RASSF4: variants seen among roughly 807,000 people sequenced by gnomAD.
RASSF4 encodes the protein ras association domain-containing protein 4.
In RASSF4, 38 loss-of-function variants were observed where a neutral mutation model predicts 41.1. The observed-to-expected ratio is 0.92, with a 90% CI of 0.71 to 1.21. RASSF4 has a LOEUF of 1.21. Ranked by LOEUF, RASSF4 falls within the 50% of genes most tolerant of loss-of-function variation. The pLI is 0.00. For missense variants in RASSF4, 414 were observed against 419.4 expected, an observed-to-expected ratio of 0.99 and a Z score of 0.11; for synonymous variants, 179 against 163.4, an observed-to-expected ratio of 1.10 and a Z score of -0.73.
At chr10:44,983,159 G>A (rs961160652) in intron 4 of RASSF4, 9 of 360,154 alleles carry the variant, frequency 2.5e-5, no homozygotes, top group Non-Finnish European at 4.4e-5. Flanking sequence ...ACCATTCAAT[G>A]CACATTTATC....
chr10:44,989,651 C>T lies in RASSF4; in HGVS notation c.634-19C>T. On this transcript the variant is annotated intron_variant, in intron 7 of 10. Transcript: ENST00000340258. ...ATCTCCAAGCACCGTGATCTGACTT[C>T]CTGTGACTGCCTGTGCAGGTGGAAG... is the stretch of plus-strand genomic sequence containing the variant. 1 of 1,613,740 alleles carries T rather than the reference C, an allele frequency of 6.2e-7. No homozygotes were observed. The highest frequency in any genetic ancestry group is 8.5e-7 in the Non-Finnish European group (1 of 1,179,590).
At chr10:44,987,619 A>T (rs1481513595) in intron 6 of RASSF4, among the ~76,000 whole-genome samples, 1 of 137,008 alleles carries the variant, frequency 7.3e-6, no homozygotes, top group African/African-American at 2.8e-5. Flanking sequence ...ATTTGCAAAA[A>T]TGTGCACTTT....
intron 10 of RASSF4, 39 bp downstream of exon 10, chr10:44,992,041 A>T: frequency 7.4e-7 from 1 of 1,358,996 alleles, no homozygotes; most frequent in Non-Finnish European, 1.1e-6. Flanking sequence ...GGTCCTGAAC[A>T]TCAGGGCAGG....
intron 6 of RASSF4, among the ~76,000 whole-genome samples, chr10:44,987,837 G>A (rs539128766): frequency 6.6e-6 from 1 of 152,222 alleles, no homozygotes; most frequent in Admixed American, 6.5e-5. Flanking sequence ...CTACAGTATA[G>A]TATAAACATA....
intron 3 of RASSF4, among the ~76,000 whole-genome samples, chr10:44,972,816 T>C (rs1428526180): frequency 2.0e-5 from 3 of 152,202 alleles, no homozygotes; most frequent in Admixed American, 6.5e-5. Context: ...TCCTCACTAG[T>C]CTTGGCTCAC....
rs766631786 is a variant in RASSF4 at position 44,993,354 on chromosome 10, A to G, written c.*25A>G. ...ACTGGCCAACACCTGCCTCTTCCAAAGTCCCCAGCAGTGGCAGGTGTACAC... is the reference window on the plus strand; with the variant it reads ...ACTGGCCAACACCTGCCTCTTCCAAGGTCCCCAGCAGTGGCAGGTGTACAC... On this transcript the variant is annotated 3_prime_UTR_variant, in exon 11 of 11. Transcript: ENST00000340258. 9.6e-5 allele frequency: 152 copies of G among 1,579,906 alleles called. No homozygotes were observed. The highest frequency in any genetic ancestry group is 1.3e-4 in the Non-Finnish European group (148 of 1,164,884).
Position 44,990,057 on chromosome 10 carries a change from C to T in RASSF4, c.685+336C>T, listed in dbSNP as rs112123790. Among the ~76,000 whole-genome samples, 238 of 152,332 alleles carry T rather than the reference C, an allele frequency of 1.6e-3. 2 individuals carry two copies. The highest frequency in any genetic ancestry group is 5.5e-3 in the African/African-American group (230 of 41,576). On this transcript the variant is annotated intron_variant, in intron 8 of 10. Transcript: ENST00000340258. ...TCCCACCAAGCTATAGGAAGCCTCCCTCTCCGCCTCTTCCAGAGAAATGGA... is the reference window on the plus strand; with the variant it reads ...TCCCACCAAGCTATAGGAAGCCTCCTTCTCCGCCTCTTCCAGAGAAATGGA...
intron 1 of RASSF4, among the ~76,000 whole-genome samples, chr10:44,960,234 G>C (rs1037256297): frequency 6.6e-6 from 1 of 152,174 alleles, no homozygotes; most frequent in Admixed American, 6.5e-5. Flanking sequence ...GATGGAAATC[G>C]AACGCCAAGA....
At chr10:44,985,072 G>A (rs1841870834) in intron 6 of RASSF4, 102 bp downstream of exon 6, 2 of 1,342,902 alleles carry the variant, frequency 1.5e-6, no homozygotes, top group South Asian at 1.3e-5. Flanking sequence ...TGGCATTCCT[G>A]TGCCCTCAGG....
intron 1 of RASSF4, among the ~76,000 whole-genome samples, chr10:44,968,599 T>C (rs117716540): frequency 1.3e-5 from 2 of 152,188 alleles, no homozygotes; most frequent in Admixed American, 6.5e-5. Context: ...AGGGCAGGTT[T>C]GTCACATTTG....
intron 8 of RASSF4, 96 bp from the exon 9 acceptor site, chr10:44,990,852 C>T (rs1005694257): frequency 1.1e-5 from 15 of 1,311,456 alleles, no homozygotes; most frequent in East Asian, 4.7e-5. Context: ...GGGTTCCCTG[C>T]GCCCCTAGAC....
intron 1 of RASSF4, among the ~76,000 whole-genome samples, chr10:44,969,933 G>A (rs1236816598): frequency 6.6e-6 from 1 of 152,214 alleles, no homozygotes; most frequent in Non-Finnish European, 1.5e-5. Flanking sequence ...TGGGGTGGGC[G>A]GCTGAAAGGA....
chr10:44,977,446 G>C, intron 3 of RASSF4: 1 of 1,611,042 alleles, frequency 6.2e-7, no homozygotes, highest in Non-Finnish European at 8.5e-7. Flanking sequence ...GGACACTGCT[G>C]GGGCGGGGGC....
chr10:44,971,542 G>A (rs139750463), intron 2 of RASSF4: 98 of 669,006 alleles, frequency 1.5e-4, no homozygotes, highest in African/African-American at 1.3e-3. Context: ...CCTGTCCCGT[G>A]AGTCTCGCCT....
intron 3 of RASSF4, among the ~76,000 whole-genome samples, chr10:44,973,335 A>G (rs1841259993): frequency 6.6e-6 from 1 of 152,160 alleles, no homozygotes; most frequent in East Asian, 1.9e-4. Flanking sequence ...CCTGAGCTCC[A>G]GTGTGCTGGG....
At position 44,994,685 on chromosome 10, in the gene RASSF4, C is replaced by T. The variant is rs947225370; in HGVS notation, c.*1356C>T. The stretch of plus-strand genomic sequence containing the variant: ...CTCTGGCAGCATAGATCCTTAGGTG[C>T]TCAATAAAGGTGTGCTGTATTGAAC... On this transcript the variant is annotated 3_prime_UTR_variant, in exon 11 of 11. Transcript: ENST00000340258. The T allele has an allele frequency of 2.6e-5, 4 of 151,924 alleles. No homozygotes were observed. Among genetic ancestry groups the T allele is most frequent in the African/African-American group, 9.7e-5 (4 of 41,394 alleles). The allele number at this position is 151,924 out of a possible 1,614,324, so 9.4% of individuals were successfully genotyped here. A position where few individuals can be genotyped will look rare whatever the true frequency, so the allele number is the denominator to read the frequency against.
At chr10:44,977,933 G>C in intron 3 of RASSF4, 2 of 1,612,620 alleles carry the variant, frequency 1.2e-6, no homozygotes, top group Non-Finnish European at 1.7e-6. Context: ...GCTAGGAGAG[G>C]GTGGGGGCTC....
chr10:44,991,286 G>C, intron 9 of RASSF4: 2 of 432,514 alleles, frequency 4.6e-6, no homozygotes, highest in Non-Finnish European at 8.2e-6. Context: ...GAAGAATTTG[G>C]GTCCTATAAA....
chr10:44,970,615 C>T (rs886422637), intron 2 of RASSF4: 1 of 220,888 alleles, frequency 4.5e-6, no homozygotes, highest in African/African-American at 2.3e-5. Flanking sequence ...ATGCTAATTT[C>T]ACCTGTTTCA....
Sources: gnomAD v4.1 joint callset for allele counts (sites outside exome capture counted in the v4.1 genomes callset) on GRCh38, gnomAD v4.1.1 for gene constraint, MANE v1.5 for transcripts, NCBI Gene and HGNC (gene_info 2026-07-23, HGNC 2026-07-21) for gene names.